Variants in GLI3 observed in about 807,000 individuals in gnomAD.
The protein encoded by GLI3 is transcription activator GLI3.
GLI3 carries 20 observed loss-of-function variants against 100.8 expected under a neutral mutation model. The observed-to-expected ratio is 0.20, with a 90% CI of 0.14 to 0.29. The LOEUF (loss-of-function observed/expected upper bound fraction) is 0.29. Ranked by LOEUF, GLI3 falls within the 10% of genes least tolerant of loss-of-function variation. GLI3 has a pLI of 1.00. For synonymous variants in GLI3, 938 were observed against 860.5 expected (o/e 1.09, Z -1.58); for missense variants, 2,040 against 2,128.5 (o/e 0.96, Z 0.82).
intron 4 of GLI3, among the ~76,000 whole-genome samples, chr7:42,066,457 G>A (rs149180739): frequency 1.5e-4 from 23 of 152,120 alleles, no homozygotes; most frequent in Admixed American, 5.2e-4. Context: ...GTTAAAAGAT[G>A]GGGAAAGGTG....
intron 3 of GLI3, among the ~76,000 whole-genome samples, chr7:42,130,106 C>T (rs1389606700): frequency 6.6e-6 from 1 of 152,066 alleles, no homozygotes; most frequent in Non-Finnish European, 1.5e-5. Context: ...GGTGTGACAC[C>T]CTTATTGGTA....
At chr7:41,987,105 C>CAG (rs755967828) in intron 10 of GLI3, among the ~76,000 whole-genome samples, 2,143 of 125,668 alleles carry the variant, frequency 0.017, 38 homozygotes, top group African/African-American at 0.081. Context: ...GACACAGACA[C>CAG]ACACACACAC....
rs1009396155 is a variant in GLI3 at position 42,166,617 on chromosome 7, T to C, written c.125-18149A>G. Among the ~76,000 whole-genome samples, 20 of 150,968 alleles carry C rather than the reference T, an allele frequency of 1.3e-4. No homozygotes were observed. The East Asian group carries it at 2.5e-3, about 19-fold the overall frequency. On this transcript the variant is annotated intron_variant, in intron 2 of 14. Transcript: ENST00000395925. ...GAGAAGGGGGCAGAGGGAAGTCTCT[T>C]ATGGCAGCATTCTGCCAGCCTGGTT...
intron 3 of GLI3, among the ~76,000 whole-genome samples, chr7:42,107,652 T>C (rs1424701945): frequency 2.6e-5 from 4 of 151,972 alleles, no homozygotes; most frequent in Non-Finnish European, 5.9e-5. Flanking sequence ...TTTTTGTGAA[T>C]GGATGGGTGG....
At chr7:42,225,754 C>T (rs1054783697) in intron 1 of GLI3, among the ~76,000 whole-genome samples, 3 of 152,198 alleles carry the variant, frequency 2.0e-5, no homozygotes, top group Non-Finnish European at 4.4e-5. Context: ...ATGAACTGCA[C>T]TCTAGAATCC....
intron 10 of GLI3, among the ~76,000 whole-genome samples, chr7:41,990,122 T>TACAC (rs3138802): frequency 0.16 from 23,365 of 148,764 alleles, 1,845 homozygotes; most frequent in South Asian, 0.21. Context: ...AATGCTTGCT[T>TACAC]ACACACACAC....
chr7:42,095,239 A>G (rs550804727), intron 3 of GLI3, among the ~76,000 whole-genome samples: 2 of 152,152 alleles, frequency 1.3e-5, no homozygotes, highest in South Asian at 4.2e-4. Context: ...CCTGGGGTGG[A>G]GCCTGAGAAT....
intron 2 of GLI3, among the ~76,000 whole-genome samples, chr7:42,163,345 C>A (rs970834959): frequency 2.6e-5 from 4 of 152,070 alleles, no homozygotes; most frequent in African/African-American, 9.7e-5. Flanking sequence ...GCCTTTTCCC[C>A]AACTGCAGTT....
At chr7:42,021,874 A>G (rs1313494184) in intron 10 of GLI3, among the ~76,000 whole-genome samples, 1 of 152,242 alleles carries the variant, frequency 6.6e-6, no homozygotes, top group Non-Finnish European at 1.5e-5. Context: ...TACACATAGC[A>G]TATGCTACTC....
intron 2 of GLI3, among the ~76,000 whole-genome samples, chr7:42,181,452 A>G (rs867121546): frequency 6.6e-6 from 1 of 151,984 alleles, no homozygotes; most frequent in African/African-American, 2.4e-5. Flanking sequence ...AAATCCAAAA[A>G]AAAATTAGCC....
At chr7:42,124,181 A>C (rs1471248853) in intron 3 of GLI3, among the ~76,000 whole-genome samples, 5 of 152,226 alleles carry the variant, frequency 3.3e-5, no homozygotes, top group African/African-American at 4.8e-5. Context: ...ATGTAAACAC[A>C]CCACAAAACA....
At chr7:42,000,759 A>T (rs1485935895) in intron 10 of GLI3, among the ~76,000 whole-genome samples, 1 of 152,182 alleles carries the variant, frequency 6.6e-6, no homozygotes, top group African/African-American at 2.4e-5. Flanking sequence ...GGCAGCAAGG[A>T]GCTGATTGAA....
intron 3 of GLI3, among the ~76,000 whole-genome samples, chr7:42,132,302 A>T (rs187371356): frequency 4.4e-4 from 66 of 151,624 alleles, no homozygotes; most frequent in African/African-American, 7.8e-4. Flanking sequence ...GGGTTTCACC[A>T]TGTTAGCCAG....
At chr7:41,978,095 A>T (rs1583748387) in intron 11 of GLI3, among the ~76,000 whole-genome samples, 1 of 152,206 alleles carries the variant, frequency 6.6e-6, no homozygotes, top group East Asian at 1.9e-4. Flanking sequence ...ATGTTTGTAA[A>T]GGGCCTTTAA....
rs61001793 is a variant in GLI3, at chr7:42,263,451, A to ATT, written c.-43+541_-43+542dup. On this transcript the variant is annotated intron_variant, in intron 1 of 2. Transcript: ENST00000678978. ...AACATCTTCTTACCTTATTTTATTT[A>ATT]TTTTTTTTTTTTGAAAAGGGGGTCT... 4.6e-3 allele frequency among the ~76,000 whole-genome samples: 505 copies of ATT among 109,298 alleles called. 2 individuals carry two copies. Among genetic ancestry groups the ATT allele is most frequent in the Non-Finnish European group, 7.1e-3 (370 of 52,372 alleles). 71.7% of individuals were successfully genotyped at this position (109,298 alleles called of 152,430 possible).
At chr7:42,201,800 T>C (rs1166754164) in intron 2 of GLI3, among the ~76,000 whole-genome samples, 1 of 152,110 alleles carries the variant, frequency 6.6e-6, no homozygotes, top group African/African-American at 2.4e-5. Flanking sequence ...AAGTACCGTA[T>C]TGGCCGGGCG....
chr7:41,969,373 T>C (rs1175462144), intron 13 of GLI3, among the ~76,000 whole-genome samples: 1 of 152,184 alleles, frequency 6.6e-6, no homozygotes, highest in African/African-American at 2.4e-5. Context: ...TCAGGTGGAA[T>C]GCACAGTGCC....
intron 2 of GLI3, among the ~76,000 whole-genome samples, chr7:42,158,199 T>C (rs1787048463): frequency 6.6e-6 from 1 of 152,244 alleles, no homozygotes; most frequent in Non-Finnish European, 1.5e-5. Context: ...TCACATTTAT[T>C]GAGCACTTAC....
At chr7:42,034,951 G>A (rs1321102137) in intron 7 of GLI3, among the ~76,000 whole-genome samples, 5 of 152,022 alleles carry the variant, frequency 3.3e-5, no homozygotes, top group Admixed American at 1.3e-4. Context: ...CCAGTACAGC[G>A]ACTAGCACAG....
Sources: allele counts gnomAD v4.1 joint callset (sites outside exome capture counted in the v4.1 genomes callset), GRCh38; gene constraint gnomAD v4.1.1; transcripts MANE v1.5; gene names NCBI Gene and HGNC (gene_info 2026-07-23, HGNC 2026-07-21).